CCDC88C: variants seen among roughly 807,000 people sequenced by gnomAD.
CCDC88C encodes the protein coiled-coil and HOOK domain protein 88C.
CCDC88C carries 131 observed loss-of-function variants against 198.8 expected under a neutral mutation model. The ratio of observed to expected loss-of-function variants is 0.66; its 90% CI spans 0.57 to 0.76. The LOEUF is 0.76. Ranked by LOEUF, CCDC88C falls within the 30% of genes least tolerant of loss-of-function variation. The pLI is 0.00. For synonymous variants in CCDC88C, 1,166 were observed against 1,114.7 expected (o/e 1.05, Z -0.92); for missense variants, 2,553 against 2,631.6 (o/e 0.97, Z 0.65).
chr14:91,292,196 G>C (rs1026525161), intron 23 of CCDC88C, among the ~76,000 whole-genome samples: 1 of 152,186 alleles, frequency 6.6e-6, no homozygotes, highest in Admixed American at 6.5e-5. Context: ...CTCGACATCC[G>C]TGTGCTGGTG....
chr14:91,353,988 C>T, intron 4 of CCDC88C, among the ~76,000 whole-genome samples: 1 of 152,168 alleles, frequency 6.6e-6, no homozygotes, highest in Admixed American at 6.5e-5. Flanking sequence ...GGCTTACTGT[C>T]CACAAAAGTA....
chr14:91,298,748 T>A (rs1360577559), intron 21 of CCDC88C, among the ~76,000 whole-genome samples: 2 of 152,188 alleles, frequency 1.3e-5, no homozygotes, highest in South Asian at 2.1e-4. Context: ...CTGGTACTGT[T>A]TCACCCATGT....
Position 91,325,131 on chromosome 14 carries a change from C to T in CCDC88C, c.1198-208G>A, listed in dbSNP as rs530292017. Reference sequence around the variant, plus strand: ...CTCAAAGGTACCCTGACCTGGCTACCTAGGTTATGAAGACAGACCCGGCCG... The same window carrying T: ...CTCAAAGGTACCCTGACCTGGCTACTTAGGTTATGAAGACAGACCCGGCCG... On this transcript the variant is annotated intron_variant, in intron 11 of 29. Coordinates refer to ENST00000389857, the MANE Select transcript of CCDC88C (RefSeq NM_001080414.4). The surrounding 1 kb of genome is among the most constrained non-coding windows in gnomAD (Gnocchi z 4.1). 2.6e-4 allele frequency among the ~76,000 whole-genome samples: 39 copies of T among 152,286 alleles called. No homozygotes were observed. The highest frequency in any genetic ancestry group is 1.6e-3 in the Admixed American group (25 of 15,298).
At chr14:91,370,657 G>A (rs2139926664) in intron 3 of CCDC88C, among the ~76,000 whole-genome samples, 1 of 152,316 alleles carries the variant, frequency 6.6e-6, no homozygotes, top group East Asian at 1.9e-4. Flanking sequence ...TGCAAGCCGG[G>A]TCTCTGCATC....
chr14:91,362,425 C>T (rs4900077), intron 3 of CCDC88C, among the ~76,000 whole-genome samples: 55,468 of 151,904 alleles, frequency 0.37, 10,358 homozygotes, highest in Non-Finnish European at 0.41. Flanking sequence ...TGAAATCATC[C>T]TGTTTTGTTG....
rs189168334 is a variant in CCDC88C at position 91,350,088 on chromosome 14, G to C, written c.341-6431C>G. ...AAAACCTATCTTCCTTCCATGACTG[G>C]TACATAATGTGTATAGTCCTTTTTG... On this transcript the variant is annotated intron_variant, in intron 4 of 29. Transcript: ENST00000389857. 5.9e-5 allele frequency among the ~76,000 whole-genome samples: 9 copies of C among 152,018 alleles called. No homozygotes were observed. In the East Asian group the frequency reaches 1.7e-3, roughly 29 times the overall value.
At chr14:91,287,636 C>CTTTTTT (rs71120129) in intron 25 of CCDC88C, among the ~76,000 whole-genome samples, 195 of 75,608 alleles carry the variant, frequency 2.6e-3, no homozygotes, top group Non-Finnish European at 2.9e-3. Flanking sequence ...TGCACCAGGT[C>CTTTTTT]TTTTTTTTTT....
Position 91,339,480 on chromosome 14 carries a change from G to C in CCDC88C, c.625-18C>G, listed in dbSNP as rs560311817. On this transcript the variant is annotated intron_variant, in intron 7 of 29. Transcript: ENST00000389857. The surrounding 1 kb of genome is among the most constrained non-coding windows in gnomAD (Gnocchi z 5.8). ...ACGATCAGCTGCAGCCGGGCAGAGA[G>C]GGGGATGGAGGAGAACAAACGGGGT... 3 of 1,594,284 alleles carry C rather than the reference G, an allele frequency of 1.9e-6. No homozygotes were observed. The highest frequency in any genetic ancestry group is 2.6e-6 in the Non-Finnish European group (3 of 1,166,488).
At chr14:91,318,086 T>C (rs1037511010) in intron 13 of CCDC88C, among the ~76,000 whole-genome samples, 2 of 152,244 alleles carry the variant, frequency 1.3e-5, no homozygotes, top group African/African-American at 4.8e-5. Flanking sequence ...CTGCCACTTA[T>C]GAAGACATTT....
intron 29 of CCDC88C, among the ~76,000 whole-genome samples, chr14:91,274,265 A>C (rs952254988): frequency 1.3e-5 from 2 of 152,148 alleles, no homozygotes; most frequent in Non-Finnish European, 2.9e-5. Flanking sequence ...AGAAGGGGGA[A>C]TGGTGGGGCT....
chr14:91,292,254 A>T (rs1456594208), intron 23 of CCDC88C, among the ~76,000 whole-genome samples: 1 of 152,142 alleles, frequency 6.6e-6, no homozygotes, highest in Non-Finnish European at 1.5e-5. Flanking sequence ...TGAGTGCTTC[A>T]TGGCTGGGGT....
chr14:91,406,349 C>A (rs147768391), intron 3 of CCDC88C, among the ~76,000 whole-genome samples: 2 of 151,724 alleles, frequency 1.3e-5, no homozygotes, highest in African/African-American at 4.9e-5. Context: ...AGAAACCTCA[C>A]CTCCATTTGA....
At chr14:91,386,373 A>G (rs1885145936) in intron 3 of CCDC88C, among the ~76,000 whole-genome samples, 2 of 152,158 alleles carry the variant, frequency 1.3e-5, no homozygotes, top group Admixed American at 1.3e-4. Context: ...AGGCAGGAGA[A>G]TCACTCAAAC....
intron 10 of CCDC88C, among the ~76,000 whole-genome samples, chr14:91,335,811 C>T (rs771021541): frequency 6.6e-6 from 1 of 152,210 alleles, no homozygotes; most frequent in Non-Finnish European, 1.5e-5. Context: ...GGACTGAAGA[C>T]GGTTTGCTAG....
chr14:91,326,190 T>C, intron 10 of CCDC88C, 134 bp from the exon 11 acceptor site: 1 of 725,798 alleles, frequency 1.4e-6, no homozygotes, highest in Non-Finnish European at 2.2e-6. Flanking sequence ...AGGCAGGAAG[T>C]TTTTCCTCTA....
At chr14:91,362,544 A>C (rs1387404059) in intron 3 of CCDC88C, among the ~76,000 whole-genome samples, 1 of 152,232 alleles carries the variant, frequency 6.6e-6, no homozygotes, top group Non-Finnish European at 1.5e-5. Context: ...TAGAAAATGT[A>C]TGTGTTCTCC....
In CCDC88C at chr14:91,291,083, C is replaced by T. The variant is rs752756018; in HGVS notation, c.4114G>A (p.Asp1372Asn). 4 of 1,524,932 alleles carry T rather than the reference C, an allele frequency of 2.6e-6. No homozygotes were observed. Among genetic ancestry groups the T allele is most frequent in the African/African-American group, 1.4e-5 (1 of 73,492 alleles). 94.5% of individuals were successfully genotyped at this position (1,524,932 alleles called of 1,614,324 possible). A position where few individuals can be genotyped will look rare whatever the true frequency, so the allele number is the denominator to read the frequency against. ...TGTCTTCGTAAGGCATTTAATTTGTCTCTGTGAATATAGGAGAAAGAAAAC... is the reference window on the plus strand; with the variant it reads ...TGTCTTCGTAAGGCATTTAATTTGTTTCTGTGAATATAGGAGAAAGAAAAC... ...QYHEEQKQYI[D>N]KLNALRRHKE... is the part of the protein sequence containing the mutation. Residue 1372 changes from aspartate (D) to asparagine (N), a missense_variant and splice_region_variant, in exon 24 of 30, where the codon GAC (aspartate) becomes AAC (asparagine). Physicochemically the swap from Asp to Asn is conservative, Grantham distance 23. Coordinates refer to ENST00000389857, the MANE Select transcript of CCDC88C (RefSeq NM_001080414.4).
intron 4 of CCDC88C, among the ~76,000 whole-genome samples, chr14:91,354,778 A>G (rs1289330426): frequency 6.6e-6 from 1 of 152,196 alleles, no homozygotes; most frequent in African/African-American, 2.4e-5. Context: ...CACTGACAAC[A>G]ACAACAAAAA....
intron 3 of CCDC88C, chr14:91,379,491 T>C (rs754592410): frequency 2.1e-5 from 7 of 340,132 alleles, no homozygotes; most frequent in Non-Finnish European, 2.2e-5. Flanking sequence ...CCGGGGCAGC[T>C]AGGAACTGGG....
Sources: allele counts gnomAD v4.1 joint callset (sites outside exome capture counted in the v4.1 genomes callset), GRCh38; gene constraint gnomAD v4.1.1; non-coding constraint Gnocchi (gnomAD v3.1); transcripts MANE v1.5; gene names NCBI Gene and HGNC (gene_info 2026-07-23, HGNC 2026-07-21).